The following DDX60L variants were observed in gnomAD, a reference collection of about 807,000 sequenced individuals.
The protein encoded by DDX60L is probable ATP-dependent RNA helicase DDX60-like.
A neutral mutation model predicts 211.6 loss-of-function variants in DDX60L; 191 were observed. That is an observed-to-expected ratio of 0.90 (90% CI 0.80 to 1.02). DDX60L has a LOEUF of 1.02. DDX60L is among the 50% of genes least tolerant of loss of function. DDX60L has a pLI of 0.00. For synonymous variants in DDX60L, 706 were observed against 694.1 expected (o/e 1.02, Z -0.27); for missense variants, 2,007 against 1,984.1 (o/e 1.01, Z -0.22).
intron 9 of DDX60L, 77 bp from the exon 10 acceptor site, chr4:168,441,569 A>C (rs1753842000): frequency 5.9e-6 from 7 of 1,185,470 alleles, no homozygotes; most frequent in Non-Finnish European, 8.3e-6. Flanking sequence ...TTTTTGAATA[A>C]ATTCATAGAG....
chr4:168,379,446 T>C lies in DDX60L; in HGVS notation c.4280A>G (p.His1427Arg), dbSNP rs376955320. Residue 1427 changes from histidine (H) to arginine (R), a missense_variant, in exon 32 of 38, where the codon CAT becomes CGT. Transcript: ENST00000682922. Reference sequence around the variant, plus strand: ...AACAAGATTTGAAGGTTCATGACCATGCAAATATGATGCAAGTCCTGCAAA... The same window carrying C: ...AACAAGATTTGAAGGTTCATGACCACGCAAATATGATGCAAGTCCTGCAAA... ...KKFAGLASYL[H>R]GHEPSNLVFV... is the part of the protein sequence containing the mutation. 39 of 1,601,308 alleles carry C rather than the reference T, an allele frequency of 2.4e-5. No homozygotes were observed. The highest frequency in any genetic ancestry group is 2.2e-4 in the South Asian group (19 of 87,514).
chr4:168,476,129 G>T (rs956782738), intron 1 of DDX60L: 2 of 151,882 alleles, frequency 1.3e-5, no homozygotes, highest in African/African-American at 4.8e-5. Flanking sequence ...AACTAAGAGA[G>T]AAGATAAATC....
At chr4:168,393,501 A>G (rs1745220157) in intron 28 of DDX60L, among the ~76,000 whole-genome samples, 1 of 152,162 alleles carries the variant, frequency 6.6e-6, no homozygotes, top group African/African-American at 2.4e-5. Context: ...GTCTCACAAA[A>G]AAAAGATTAC....
At chr4:168,382,214 G>A (rs1249980263) in intron 30 of DDX60L, among the ~76,000 whole-genome samples, 1 of 152,160 alleles carries the variant, frequency 6.6e-6, no homozygotes. Flanking sequence ...TGTTCTGATT[G>A]AAAACCTCAG....
chr4:168,375,518 G>A lies in DDX60L; in HGVS notation c.4492C>T (p.Leu1498Phe). 2 of 1,607,192 alleles carry A rather than the reference G, an allele frequency of 1.2e-6. No homozygotes were observed. Among genetic ancestry groups the A allele is most frequent in the Non-Finnish European group, 1.7e-6 (2 of 1,177,380 alleles). The change falls in exon 34 of 38, where the codon CTT becomes TTT. Residue 1498 changes from leucine (L) to phenylalanine (F), a missense_variant. By Grantham distance (22) the Leu-to-Phe change is conservative. Coordinates refer to ENST00000682922, the MANE Select transcript of DDX60L (RefSeq NM_001012967.3). ...NLSFSQSKVI[L>F]AELPEDFKAA... ...TTAAAATCCTCCGGGAGTTCGGCAA[G>A]GATCACCTATGGGCGAAATACATTT... is the stretch of plus-strand genomic sequence containing the variant.
At chr4:168,431,899 TG>T (rs1421067301) in intron 12 of DDX60L, among the ~76,000 whole-genome samples, 1 of 152,160 alleles carries the variant, frequency 6.6e-6, no homozygotes, top group Admixed American at 6.5e-5. Flanking sequence ...TGAGTTTTCA[TG>T]GGCACAATTA....
At chr4:168,368,656 A>T (rs530110291) in intron 36 of DDX60L, among the ~76,000 whole-genome samples, 22 of 152,342 alleles carry the variant, frequency 1.4e-4, no homozygotes, top group African/African-American at 5.3e-4. Context: ...AAAGCCACAG[A>T]CACTCAATGC....
intron 4 of DDX60L, among the ~76,000 whole-genome samples, chr4:168,467,698 C>T (rs1280953884): frequency 2.0e-5 from 3 of 152,104 alleles, no homozygotes; most frequent in African/African-American, 4.8e-5. Context: ...CCAAGGAAAA[C>T]TCTAGACCCA....
chr4:168,477,373 C>T (rs891378622), intron 1 of DDX60L, among the ~76,000 whole-genome samples: 1 of 151,848 alleles, frequency 6.6e-6, no homozygotes, highest in Non-Finnish European at 1.5e-5. Flanking sequence ...CGAGATCACG[C>T]CACTGCACTC....
chr4:168,471,507 T>G (rs1758767089), intron 4 of DDX60L: 1 of 336,092 alleles, frequency 3.0e-6, no homozygotes, highest in South Asian at 7.4e-5. Context: ...CCAGGCTCTG[T>G]GCCTGATCTA....
Position 168,397,954 on chromosome 4 carries a change from A to T in DDX60L, c.3492-1830T>A, listed in dbSNP as rs1746111719. On this transcript the variant is annotated intron_variant, in intron 26 of 37. Transcript: ENST00000682922. ...GTGCTCTTGGGGGCTGGGAGCAGGC[A>T]GGAGCCCCGCCCTTATGGGAATAGC... Among the ~76,000 whole-genome samples, 3 of 152,080 alleles carry T rather than the reference A, an allele frequency of 2.0e-5. No individual in the cohort carries two copies. The South Asian group carries it at 6.2e-4, about 32-fold the overall frequency.
chr4:168,458,660 G>C (rs138558636), intron 5 of DDX60L, among the ~76,000 whole-genome samples: 3 of 152,114 alleles, frequency 2.0e-5, no homozygotes, highest in African/African-American at 7.2e-5. Context: ...TTGGGGGAAC[G>C]GGGGAGGGAG....
Position 168,394,591 on chromosome 4 carries a change from C to T in DDX60L, c.3684G>A (p.Val1228=), listed in dbSNP as rs912745015. The part of the protein sequence containing the change: ...DSTLERVLPR[V]RFTRHGKELK... ...GTTCTTTGCCGTGTCTTGTAAATCG[C>T]ACTCGCGGTAATACCCTCTCCAAAG... The change falls in exon 28 of 38, where the codon GTG becomes GTA. Residue 1228 remains valine (V), a synonymous_variant. Transcript: ENST00000682922. 6.2e-7 allele frequency: 1 copy of T among 1,612,780 alleles called. No homozygotes were observed. The highest frequency in any genetic ancestry group is 8.5e-7 in the Non-Finnish European group (1 of 1,179,494).
chr4:168,390,153 G>A (rs1310300970), intron 29 of DDX60L: 1 of 990,700 alleles, frequency 1.0e-6, no homozygotes, highest in Non-Finnish European at 1.2e-6. Context: ...AAGTCATCAG[G>A]GCAGGATAAC....
chr4:168,379,439 A>T lies in DDX60L; in HGVS notation c.4287T>A (p.His1429Gln), dbSNP rs1164157785. The T allele has an allele frequency of 6.2e-7, 1 of 1,603,346 alleles. No individual in the cohort carries two copies. The highest frequency in any genetic ancestry group is 8.5e-7 in the Non-Finnish European group (1 of 1,176,876). The part of the protein sequence containing the change: ...FAGLASYLHG[H>Q]EPSNLVFVNF... ...TTACAAAAACAAGATTTGAAGGTTCATGACCATGCAAATATGATGCAAGTC... is the reference window on the plus strand; with the variant it reads ...TTACAAAAACAAGATTTGAAGGTTCTTGACCATGCAAATATGATGCAAGTC... The change falls in exon 32 of 38, where the codon CAT becomes CAA. Residue 1429 changes from histidine to glutamine, a missense_variant. By Grantham distance (24) the His-to-Gln change is conservative. Transcript: ENST00000682922.
rs116650310 is a variant in DDX60L at position 168,369,960 on chromosome 4, A to G, written c.4928+1652T>C. Among the ~76,000 whole-genome samples, 431 of 152,322 alleles carry G rather than the reference A, an allele frequency of 2.8e-3. 4 individuals carry two copies. Among genetic ancestry groups the G allele is most frequent in the African/African-American group, 9.2e-3 (382 of 41,576 alleles). ...AATGTGACGGAAAGGGAACCCTTAC[A>G]TGCTGTGGGTAGGATTATAAATGAG... is the stretch of plus-strand genomic sequence containing the variant. On this transcript the variant is annotated intron_variant, in intron 36 of 37. Coordinates refer to ENST00000682922, the MANE Select transcript of DDX60L (RefSeq NM_001012967.3).
At chr4:168,406,783 G>T in intron 22 of DDX60L, 77 bp from the exon 23 acceptor site, 1 of 1,085,242 alleles carries the variant, frequency 9.2e-7, no homozygotes, top group Non-Finnish European at 1.3e-6. Flanking sequence ...TATCTTTCAT[G>T]ACTAAACCCT....
chr4:168,376,947 T>A (rs540365186), intron 33 of DDX60L, among the ~76,000 whole-genome samples: 1 of 152,198 alleles, frequency 6.6e-6, no homozygotes, highest in African/African-American at 2.4e-5. Flanking sequence ...GTACATGAGA[T>A]GATTTAGTGT....
chr4:168,374,712 T>C (rs1450714749), intron 34 of DDX60L, among the ~76,000 whole-genome samples: 2 of 152,254 alleles, frequency 1.3e-5, no homozygotes, highest in African/African-American at 2.4e-5. Flanking sequence ...TTAATTTAAA[T>C]AGTGACACGT....
Sources: gnomAD v4.1 joint callset for allele counts (sites outside exome capture counted in the v4.1 genomes callset) on GRCh38, gnomAD v4.1.1 for gene constraint, MANE v1.5 for transcripts, NCBI Gene and HGNC (gene_info 2026-07-23, HGNC 2026-07-21) for gene names.